Variants in JAKMIP1 observed in about 807,000 individuals in gnomAD.
The protein encoded by JAKMIP1 is janus kinase and microtubule-interacting protein 1.
JAKMIP1 carries 33 observed loss-of-function variants against 113.0 expected under a neutral mutation model. The observed-to-expected ratio is 0.29, with a 90% CI of 0.22 to 0.39. The LOEUF (loss-of-function observed/expected upper bound fraction) is 0.39. JAKMIP1 is among the 10% of genes least tolerant of loss of function. The pLI is 1.00. For missense variants in JAKMIP1, 813 were observed against 1,080.5 expected (o/e 0.75, Z 3.47); for synonymous variants, 480 against 459.9 (o/e 1.04, Z -0.56).
At chr4:6,066,773 A>G (rs16838178) in intron 8 of JAKMIP1, among the ~76,000 whole-genome samples, 6,337 of 151,464 alleles carry the variant, frequency 0.042, 467 homozygotes, top group East Asian at 0.3. Context: ...AGCCACCAAT[A>G]TCTCTCTCTC....
intron 20 of JAKMIP1, 22 bp downstream of exon 20, chr4:6,029,694 A>G (rs1268476984): frequency 1.9e-6 from 3 of 1,539,332 alleles, no homozygotes; most frequent in Non-Finnish European, 2.7e-6. Context: ...ACCTGGGGAC[A>G]GTCTGAGCTG....
intron 8 of JAKMIP1, among the ~76,000 whole-genome samples, chr4:6,074,071 C>T (rs1000419394): frequency 3.3e-5 from 5 of 152,272 alleles, no homozygotes. Flanking sequence ...TGAGCCCACG[C>T]TGAACCAGCA....
At position 6,150,832 on chromosome 4, in the gene JAKMIP1, T is replaced by C. The variant is rs1721483759; in HGVS notation, c.-147-37835A>G. Among the ~76,000 whole-genome samples the C allele has an allele frequency of 6.6e-6, 1 of 152,146 alleles. No individual in the cohort carries two copies. Among genetic ancestry groups the C allele is most frequent in the South Asian group, 2.1e-4 (1 of 4,816 alleles). Reference sequence around the variant, plus strand: ...GCATCCCAGCTTCAAGCTCCTCCACTTGAGCAAGACAGTAATAATGTCTGC... The same window carrying C: ...GCATCCCAGCTTCAAGCTCCTCCACCTGAGCAAGACAGTAATAATGTCTGC... On this transcript the variant is annotated intron_variant, in intron 1 of 20. Coordinates refer to ENST00000409021, the MANE Select transcript of JAKMIP1 (RefSeq NM_001099433.2). The surrounding 1 kb of genome is among the most constrained non-coding windows in gnomAD (Gnocchi z 4.8).
At position 6,064,503 on chromosome 4, in the gene JAKMIP1, T is replaced by G. The variant is rs1717766001; in HGVS notation, c.1431+377A>C. The stretch of plus-strand genomic sequence containing the variant: ...CTGTTTCTGCCCGGTGGTGTGTCCG[T>G]GTGTGCACACATGCGTGGGGACCAG... On this transcript the variant is annotated intron_variant, in intron 9 of 20. Transcript: ENST00000409021. The surrounding 1 kb of genome is among the most constrained non-coding windows in gnomAD (Gnocchi z 4.3). Among the ~76,000 whole-genome samples, 3 of 152,218 alleles carry G rather than the reference T, an allele frequency of 2.0e-5. No individual in the cohort carries two copies. The highest frequency in any genetic ancestry group is 4.1e-4 in the South Asian group (2 of 4,832).
Position 6,136,357 on chromosome 4 carries a change from G to C in JAKMIP1, c.-147-23360C>G, listed in dbSNP as rs967109556. Among the ~76,000 whole-genome samples the C allele has an allele frequency of 3.3e-5, 5 of 152,072 alleles. No homozygotes were observed. The highest frequency in any genetic ancestry group is 5.9e-5 in the Non-Finnish European group (4 of 68,028). ...CCCAAAAGACCATGGGAATATTTAA[G>C]TACTTCTGACAAATCAGTACCCTAG... On this transcript the variant is annotated intron_variant, in intron 1 of 20. Transcript: ENST00000409021. The surrounding 1 kb of genome is among the most constrained non-coding windows in gnomAD (Gnocchi z 5.9).
At position 6,076,836 on chromosome 4, in the gene JAKMIP1, T is replaced by C. The variant is rs1352013433; in HGVS notation, c.1302+2103A>G. 1.3e-5 allele frequency among the ~76,000 whole-genome samples: 2 copies of C among 152,202 alleles called. No individual in the cohort carries two copies. The highest frequency in any genetic ancestry group is 4.8e-5 in the African/African-American group (2 of 41,462). On this transcript the variant is annotated intron_variant, in intron 8 of 20. Coordinates refer to ENST00000409021, the MANE Select transcript of JAKMIP1 (RefSeq NM_001099433.2). This position sits in a 1 kb window ranked among gnomAD's most constrained non-coding sequence, Gnocchi z 4.8. ...AATACATAGCCTGAAGGGAATTGTA[T>C]ATAATATTTTAAATAATTTTGTGCA...
At chr4:6,148,484 G>A (rs1379230099) in intron 1 of JAKMIP1, among the ~76,000 whole-genome samples, 3 of 152,362 alleles carry the variant, frequency 2.0e-5, no homozygotes, top group South Asian at 2.1e-4. Context: ...GACACCACTT[G>A]GAATCGGAAT....
In JAKMIP1 at chr4:6,137,804, T is replaced by A. The variant is rs1343713775; in HGVS notation, c.-147-24807A>T. Among the ~76,000 whole-genome samples, 2 of 152,228 alleles carry A rather than the reference T, an allele frequency of 1.3e-5. No homozygotes were observed. The highest frequency in any genetic ancestry group is 4.8e-5 in the African/African-American group (2 of 41,460). On this transcript the variant is annotated intron_variant, in intron 1 of 20. Coordinates refer to ENST00000409021, the MANE Select transcript of JAKMIP1 (RefSeq NM_001099433.2). This position sits in a 1 kb window ranked among gnomAD's most constrained non-coding sequence, Gnocchi z 4.5. ...AACACAAGTGAGAGCCAGGTGGGGA[T>A]AGGACAAGGTGCCCACTGGCTGGCA...
chr4:6,040,595 T>C lies in JAKMIP1; in HGVS notation c.2175+44A>G, dbSNP rs763370726. On this transcript the variant is annotated intron_variant, in intron 18 of 20. Transcript: ENST00000409021. This position sits in a 1 kb window ranked among gnomAD's most constrained non-coding sequence, Gnocchi z 5.8. Reference sequence around the variant, plus strand: ...CCAGAGGAAAAAGCAGCCTCTAATGTGGAGTCTAAGAAGCCAAAGTGTCAA... The same window carrying C: ...CCAGAGGAAAAAGCAGCCTCTAATGCGGAGTCTAAGAAGCCAAAGTGTCAA... 1.6e-5 allele frequency: 22 copies of C among 1,404,866 alleles called. No homozygotes were observed. Among genetic ancestry groups the C allele is most frequent in the African/African-American group, 4.2e-5 (3 of 70,924 alleles). 87.0% of individuals were successfully genotyped at this position (1,404,866 alleles called of 1,614,324 possible). A position where few individuals can be genotyped will look rare whatever the true frequency, so the allele number is the denominator to read the frequency against.
chr4:6,047,369 G>T (rs1164927800), intron 16 of JAKMIP1, among the ~76,000 whole-genome samples: 1 of 152,250 alleles, frequency 6.6e-6, no homozygotes, highest in Non-Finnish European at 1.5e-5. Flanking sequence ...ACTACACGGA[G>T]CACTGTTGGA....
chr4:6,053,702 G>A (rs1301199224), intron 13 of JAKMIP1: 12 of 925,508 alleles, frequency 1.3e-5, no homozygotes, highest in Middle Eastern at 4.4e-4. Context: ...CGGTGACTAC[G>A]CATGCAGGAA....
At chr4:6,098,599 A>G (rs900040377) in intron 3 of JAKMIP1, among the ~76,000 whole-genome samples, 2 of 149,766 alleles carry the variant, frequency 1.3e-5, no homozygotes, top group Admixed American at 6.6e-5. Context: ...AGGAAGAAAG[A>G]AAGGAAGAAA....
rs1464152629 is a variant in JAKMIP1, at chr4:6,178,220, T to G, written c.-148+22033A>C. On this transcript the variant is annotated intron_variant, in intron 1 of 20. Coordinates refer to ENST00000409021, the MANE Select transcript of JAKMIP1 (RefSeq NM_001099433.2). This position sits in a 1 kb window ranked among gnomAD's most constrained non-coding sequence, Gnocchi z 5.5. ...GACCCTTTAATGTTTTGTATCTCAT[T>G]TTTGAATTGAGAGACGTGGCTACCT... Among the ~76,000 whole-genome samples, 1 of 152,226 alleles carries G rather than the reference T, an allele frequency of 6.6e-6. No individual in the cohort carries two copies. Among genetic ancestry groups the G allele is most frequent in the Admixed American group, 6.5e-5 (1 of 15,286 alleles).
Position 6,178,262 on chromosome 4 carries a change from T to C in JAKMIP1, c.-148+21991A>G, listed in dbSNP as rs1263026421. Among the ~76,000 whole-genome samples the C allele has an allele frequency of 6.6e-6, 1 of 152,254 alleles. No individual in the cohort carries two copies. Among genetic ancestry groups the C allele is most frequent in the African/African-American group, 2.4e-5 (1 of 41,466 alleles). On this transcript the variant is annotated intron_variant, in intron 1 of 20. Transcript: ENST00000409021. The surrounding 1 kb of genome is among the most constrained non-coding windows in gnomAD (Gnocchi z 5.5). ...TGGCTACCTTTCAGGTAAGCAGCTTTTCCTTTGTTACCCTACGATATGGTT... is the reference window on the plus strand; with the variant it reads ...TGGCTACCTTTCAGGTAAGCAGCTTCTCCTTTGTTACCCTACGATATGGTT...
At chr4:6,114,026 G>C (rs898724087) in intron 1 of JAKMIP1, among the ~76,000 whole-genome samples, 8 of 152,186 alleles carry the variant, frequency 5.3e-5, no homozygotes, top group Non-Finnish European at 1.0e-4. Flanking sequence ...TATCATCTTT[G>C]GAACACCTGG....
intron 8 of JAKMIP1, among the ~76,000 whole-genome samples, chr4:6,066,176 C>G (rs1322837379): frequency 2.0e-5 from 3 of 152,104 alleles, no homozygotes; most frequent in Non-Finnish European, 4.4e-5. Flanking sequence ...AAAACCCAGG[C>G]ACTCCCCACA....
rs1386478313 is a variant in JAKMIP1 at position 6,152,805 on chromosome 4, T to TATATATAC, written c.-147-39809_-147-39808insGTATATAT. 3.3e-5 allele frequency among the ~76,000 whole-genome samples: 4 copies of TATATATAC among 121,076 alleles called. 1 individual carries two copies. The highest frequency in any genetic ancestry group is 1.6e-4 in the African/African-American group (4 of 24,744). The allele number at this position is 121,076 out of a possible 152,430, so 79.4% of individuals were successfully genotyped here. A position where few individuals can be genotyped will look rare whatever the true frequency, so the allele number is the denominator to read the frequency against. ...AAAAATACAAATATATATATATATA[T>TATATATAC]ATATACATATATATATATAGCTGGG... On this transcript the variant is annotated intron_variant, in intron 1 of 20. Transcript: ENST00000409021.
At position 6,051,632 on chromosome 4, in the gene JAKMIP1, T is replaced by C. The variant is rs1342991022; in HGVS notation, c.1807-953A>G. Among the ~76,000 whole-genome samples the C allele has an allele frequency of 2.0e-5, 3 of 152,382 alleles. No individual in the cohort carries two copies. The highest frequency in any genetic ancestry group is 3.4e-3 in the Middle Eastern group (1 of 294). On this transcript the variant is annotated intron_variant, in intron 13 of 20. Coordinates refer to ENST00000409021, the MANE Select transcript of JAKMIP1 (RefSeq NM_001099433.2). This position sits in a 1 kb window ranked among gnomAD's most constrained non-coding sequence, Gnocchi z 5.0. The stretch of plus-strand genomic sequence containing the variant: ...ACACTAACACAACAAGTGATCATTC[T>C]ACCCCTGCCTTAGACTTACAGCAAA...
At position 6,183,482 on chromosome 4, in the gene JAKMIP1, A is replaced by AAATAAATAAATAAATAAATG; in HGVS notation, c.-148+16770_-148+16771insCATTTATTTATTTATTTATT. 6.7e-6 allele frequency among the ~76,000 whole-genome samples: 1 copy of AAATAAATAAATAAATAAATG among 148,480 alleles called. No homozygotes were observed. The highest frequency in any genetic ancestry group is 3.5e-3 in the Middle Eastern group (1 of 286). On this transcript the variant is annotated intron_variant, in intron 1 of 20. Transcript: ENST00000409021. This position sits in a 1 kb window ranked among gnomAD's most constrained non-coding sequence, Gnocchi z 5.3. ...TGACAGAGCAAGACTCTGTCTCAATAAATAAATAAATAAATAAATAAATAA... is the reference window on the plus strand; with the variant it reads ...TGACAGAGCAAGACTCTGTCTCAATAAATAAATAAATAAATAAATGAATAAATAAATAAATAAATAAATAA...
Sources: gnomAD v4.1 joint callset for allele counts (sites outside exome capture counted in the v4.1 genomes callset) on GRCh38, gnomAD v4.1.1 for gene constraint, Gnocchi (gnomAD v3.1) non-coding constraint, MANE v1.5 for transcripts, NCBI Gene and HGNC (gene_info 2026-07-23, HGNC 2026-07-21) for gene names.